UMAD1: variants seen among roughly 807,000 people sequenced by gnomAD.
UMAD1 encodes UBAP1-MVB12-associated (UMA) domain containing 1.
A neutral mutation model predicts 6.1 loss-of-function variants in UMAD1; 8 were observed. The observed-to-expected ratio is 1.30, with a 90% CI of 0.76 to 2.35. UMAD1 has a LOEUF of 2.35. UMAD1 is among the 30% of genes most tolerant of loss of function. UMAD1 has a pLI of 0.00. For synonymous variants in UMAD1, 56 were observed against 31.4 expected (o/e 1.78, Z -2.61); for missense variants, 130 against 78.4 (o/e 1.66, Z -2.49).
chr7:7,648,706 C>T (rs984907028), intron 1 of UMAD1, among the ~76,000 whole-genome samples: 1 of 151,876 alleles, frequency 6.6e-6, no homozygotes, highest in Non-Finnish European at 1.5e-5. Context: ...CAAAAATTAG[C>T]TGGCCATGGT....
At chr7:7,758,536 C>T (rs1583803878) in intron 2 of UMAD1, among the ~76,000 whole-genome samples, 3 of 2,824 alleles carry the variant, frequency 1.1e-3, no homozygotes, top group East Asian at 0.12. Flanking sequence ...ACTGTGGAAG[C>T]TGCCTCTGCA....
chr7:7,658,991 T>C (rs1785410704), intron 1 of UMAD1, among the ~76,000 whole-genome samples: 1 of 152,208 alleles, frequency 6.6e-6, no homozygotes, highest in African/African-American at 2.4e-5. Flanking sequence ...GAACTTGTTA[T>C]TGGTCTATTC....
At chr7:7,665,113 T>C (rs1779407629) in intron 1 of UMAD1, among the ~76,000 whole-genome samples, 1 of 152,236 alleles carries the variant, frequency 6.6e-6, no homozygotes, top group Non-Finnish European at 1.5e-5. Context: ...TTGATATATT[T>C]ACATTAACTA....
intron 2 of UMAD1, among the ~76,000 whole-genome samples, chr7:7,779,619 T>C (rs933380076): frequency 6.6e-6 from 1 of 152,086 alleles, no homozygotes; most frequent in African/African-American, 2.4e-5. Flanking sequence ...CTCTTCATTT[T>C]CTTTTCCTTT....
chr7:7,816,287 A>G (rs909124863), intron 3 of UMAD1, among the ~76,000 whole-genome samples: 7 of 152,230 alleles, frequency 4.6e-5, no homozygotes, highest in African/African-American at 1.7e-4. Context: ...TGTCTCCACT[A>G]TATAAATAAC....
rs1384939514 is a variant in UMAD1, at chr7:7,725,838, C to T, written c.82+52385C>T. ...TGGGGAGTTCCCTATGATCAGTTGA[C>T]GTAGGAAGAGAAGACTAGGGTCTGG... is the stretch of plus-strand genomic sequence containing the variant. On this transcript the variant is annotated intron_variant, in intron 2 of 3. Transcript: ENST00000682710. Among the ~76,000 whole-genome samples, 3 of 152,272 alleles carry T rather than the reference C, an allele frequency of 2.0e-5. No individual in the cohort carries two copies. The East Asian group carries it at 5.8e-4, about 29-fold the overall frequency.
intron 1 of UMAD1, among the ~76,000 whole-genome samples, chr7:7,663,785 T>C (rs1306777982): frequency 6.6e-6 from 1 of 152,218 alleles, no homozygotes; most frequent in Non-Finnish European, 1.5e-5. Context: ...GAATGCATTT[T>C]ACCAGAAGCA....
chr7:7,653,288 T>C (rs1291104783), intron 1 of UMAD1, among the ~76,000 whole-genome samples: 7 of 152,238 alleles, frequency 4.6e-5, no homozygotes, highest in Admixed American at 4.6e-4. Flanking sequence ...TATAAATGTG[T>C]CACTGTATCA....
chr7:7,719,076 A>G (rs1780989735), intron 2 of UMAD1, among the ~76,000 whole-genome samples: 1 of 139,002 alleles, frequency 7.2e-6, no homozygotes, highest in African/African-American at 2.7e-5. Context: ...TGTGTTAAAA[A>G]AAGCTTTAAG....
chr7:7,834,671 A>T (rs2115307831), intron 3 of UMAD1, among the ~76,000 whole-genome samples: 1 of 152,224 alleles, frequency 6.6e-6, no homozygotes, highest in South Asian at 2.1e-4. Context: ...AAATCCCATC[A>T]TGAGGGCCCT....
At chr7:7,724,245 G>A (rs1476253937) in intron 2 of UMAD1, among the ~76,000 whole-genome samples, 1 of 152,020 alleles carries the variant, frequency 6.6e-6, no homozygotes, top group East Asian at 1.9e-4. Flanking sequence ...TGTTGATTCC[G>A]GGGGACCCAA....
chr7:7,651,300 C>A (rs575602986), intron 1 of UMAD1, among the ~76,000 whole-genome samples: 3 of 152,166 alleles, frequency 2.0e-5, no homozygotes, highest in Non-Finnish European at 4.4e-5. Context: ...CCTTGCAGGA[C>A]TTGTGACAAG....
intron 2 of UMAD1, among the ~76,000 whole-genome samples, chr7:7,747,838 T>C (rs541595975): frequency 1.3e-5 from 2 of 152,388 alleles, no homozygotes; most frequent in African/African-American, 4.8e-5. Context: ...GTTTTGCCTG[T>C]ATTTTGGGGA....
chr7:7,732,696 G>T (rs768314372), intron 2 of UMAD1, among the ~76,000 whole-genome samples: 1 of 152,162 alleles, frequency 6.6e-6, no homozygotes, highest in Non-Finnish European at 1.5e-5. Flanking sequence ...TTCTCTTAAA[G>T]AATGTGGTCT....
In UMAD1 at chr7:7,767,128, C is replaced by CTTTTTTTTTTTTTT. The variant is rs71014711; in HGVS notation, c.83-34541_83-34528dup. ...AGTGAGCATTTCAAGAAATTAAGCT[C>CTTTTTTTTTTTTTT]TTTTTTTTTTTTTTGAGACGGACTC... is the stretch of plus-strand genomic sequence containing the variant. On this transcript the variant is annotated intron_variant, in intron 2 of 3. Transcript: ENST00000682710. 6.5e-4 allele frequency among the ~76,000 whole-genome samples: 85 copies of CTTTTTTTTTTTTTT among 129,782 alleles called. 1 individual carries two copies. The highest frequency in any genetic ancestry group is 1.6e-3 in the African/African-American group (58 of 36,520). 85.1% of individuals were successfully genotyped at this position (129,782 alleles called of 152,430 possible). A position where few individuals can be genotyped will look rare whatever the true frequency, so the allele number is the denominator to read the frequency against.
chr7:7,776,170 G>A (rs113987706), intron 2 of UMAD1, among the ~76,000 whole-genome samples: 1 of 151,484 alleles, frequency 6.6e-6, no homozygotes, highest in Non-Finnish European at 1.5e-5. Flanking sequence ...AACAAAACAA[G>A]ACATATGGAA....
chr7:7,841,897 A>C (rs1783688725), intron 3 of UMAD1, among the ~76,000 whole-genome samples: 1 of 152,188 alleles, frequency 6.6e-6, no homozygotes, highest in African/African-American at 2.4e-5. Context: ...GTCAGCTTGC[A>C]TTATAAATGA....
At chr7:7,744,111 C>T (rs2115209734) in intron 2 of UMAD1, among the ~76,000 whole-genome samples, 1 of 152,238 alleles carries the variant, frequency 6.6e-6, no homozygotes, top group South Asian at 2.1e-4. Context: ...ACCCTAGTCA[C>T]TCAGGAATCT....
chr7:7,664,588 A>AT (rs1439558715), intron 1 of UMAD1, among the ~76,000 whole-genome samples: 1 of 152,138 alleles, frequency 6.6e-6, no homozygotes, highest in South Asian at 2.1e-4. Context: ...TATACCCACT[A>AT]TGCTTTTTGT....
Sources: gnomAD v4.1 joint callset for allele counts (sites outside exome capture counted in the v4.1 genomes callset) on GRCh38, gnomAD v4.1.1 for gene constraint, MANE v1.5 for transcripts, NCBI Gene and HGNC (gene_info 2026-07-23, HGNC 2026-07-21) for gene names.